UNC80: variants seen among roughly 807,000 people sequenced by gnomAD.
UNC80 encodes the protein unc-80 subunit of NALCN channel complex.
UNC80 carries 164 observed loss-of-function variants against 384.6 expected under a neutral mutation model. The observed-to-expected ratio is 0.43, with a 90% CI of 0.38 to 0.49. The LOEUF is 0.49. Among genes scored for constraint, UNC80 ranks in the 20% least tolerant of loss-of-function variants. The probability of loss-of-function intolerance (pLI) is 0.00; values close to 1 mark genes in which losing one functional copy is unlikely to be tolerated. For missense variants in UNC80, 3,330 were observed against 4,143.0 expected (o/e 0.80, Z 5.39); for synonymous variants, 1,486 against 1,527.8 (o/e 0.97, Z 0.64).
intron 22 of UNC80, among the ~76,000 whole-genome samples, chr2:209,867,715 A>G (rs2083955654): frequency 6.6e-6 from 1 of 152,148 alleles, no homozygotes; most frequent in African/African-American, 2.4e-5. Flanking sequence ...GTCTCTCTAT[A>G]GTCAGCAGAA....
intron 10 of UNC80, 94 bp from the exon 11 acceptor site, chr2:209,817,718 A>G: frequency 6.9e-7 from 1 of 1,452,170 alleles, no homozygotes; most frequent in South Asian, 1.3e-5. Flanking sequence ...TAACAGCCCC[A>G]CACTCTCCCT....
chr2:209,829,510 G>T, intron 15 of UNC80, 131 bp downstream of exon 15: 1 of 939,212 alleles, frequency 1.1e-6, no homozygotes, highest in Non-Finnish European at 1.6e-6. Flanking sequence ...GCATGTGTGT[G>T]GGTGTGTGTA....
At chr2:209,941,596 T>G (rs1049187093) in intron 44 of UNC80, 107 bp downstream of exon 44, 2 of 1,246,600 alleles carry the variant, frequency 1.6e-6, no homozygotes, top group Non-Finnish European at 2.1e-6. Context: ...TGTTATCATC[T>G]TCTTTTGTGA....
At chr2:209,826,999 TA>T (rs879926229) in intron 14 of UNC80, among the ~76,000 whole-genome samples, 70 of 152,246 alleles carry the variant, frequency 4.6e-4, no homozygotes, top group Middle Eastern at 3.4e-3. Flanking sequence ...TCTATCTATC[TA>T]TCTATCCTTT....
chr2:209,921,338 A>C (rs1459599893), intron 33 of UNC80, among the ~76,000 whole-genome samples, 162 bp from the exon 34 acceptor site: 1 of 152,216 alleles, frequency 6.6e-6, no homozygotes, highest in Admixed American at 6.5e-5. Context: ...CACAGCTTGG[A>C]AATTTGGTAA....
chr2:209,871,409 C>T (rs1248839007), intron 22 of UNC80, among the ~76,000 whole-genome samples: 1 of 152,052 alleles, frequency 6.6e-6, no homozygotes, highest in Non-Finnish European at 1.5e-5. Context: ...TTATAGATCA[C>T]AGGGATGTTA....
At chr2:209,914,511 A>G (rs1438981299) in intron 31 of UNC80, among the ~76,000 whole-genome samples, 1 of 152,122 alleles carries the variant, frequency 6.6e-6, no homozygotes, top group Non-Finnish European at 1.5e-5. Context: ...ACAAAATTGT[A>G]TGAAGCTAAA....
chr2:209,922,193 G>T, intron 34 of UNC80, 59 bp from the exon 35 acceptor site: 1 of 1,534,734 alleles, frequency 6.5e-7, no homozygotes. Flanking sequence ...ACAACAATGT[G>T]ATAATAATAA....
intron 39 of UNC80, among the ~76,000 whole-genome samples, chr2:209,934,238 C>G (rs2091089157): frequency 6.6e-6 from 1 of 152,160 alleles, no homozygotes; most frequent in African/African-American, 2.4e-5. Flanking sequence ...CCGCATGAAT[C>G]AGTCCTTGAA....
intron 7 of UNC80, chr2:209,796,523 C>A (rs1464067189): frequency 6.6e-6 from 1 of 152,050 alleles, no homozygotes; most frequent in Admixed American, 6.6e-5. Flanking sequence ...TGGCTGTGTC[C>A]CCACTAAATC....
rs1406617229 is a variant in UNC80, at chr2:209,881,031, G to C, written c.4047G>C (p.Glu1349Asp). 4 of 1,551,860 alleles carry C rather than the reference G, an allele frequency of 2.6e-6. No homozygotes were observed. Among genetic ancestry groups the C allele is most frequent in the Non-Finnish European group, 1.7e-6 (2 of 1,147,036 alleles). Residue 1349 changes from glutamate (E) to aspartate (D), a missense_variant, in exon 25 of 65, where the codon GAG becomes GAC. This residue lies in a region of UNC80 where 801 missense variants were observed against 950.8 expected (regional missense o/e 0.84). Transcript: ENST00000673920. ...TGGCAGCATGTCAGCTTCTTCTGGAGATTACCACCTTCCTGCGAGAGACCT... is the reference window on the plus strand; with the variant it reads ...TGGCAGCATGTCAGCTTCTTCTGGACATTACCACCTTCCTGCGAGAGACCT... ...LKMAACQLLLEITTFLRETFS... is the reference protein window; with the variant it reads ...LKMAACQLLLDITTFLRETFS...
At chr2:209,907,567 G>A (rs1462477960) in intron 29 of UNC80, among the ~76,000 whole-genome samples, 4 of 152,200 alleles carry the variant, frequency 2.6e-5, no homozygotes. Flanking sequence ...CAACCAGCGA[G>A]AAGAGGTGAG....
intron 22 of UNC80, among the ~76,000 whole-genome samples, chr2:209,856,498 C>T (rs926577601): frequency 6.6e-6 from 1 of 151,792 alleles, no homozygotes; most frequent in Non-Finnish European, 1.5e-5. Context: ...TCTTGAAATT[C>T]CAAGGTAGCA....
At chr2:209,981,469 T>G (rs911587075) in intron 59 of UNC80, among the ~76,000 whole-genome samples, 7 of 152,170 alleles carry the variant, frequency 4.6e-5, no homozygotes, top group Non-Finnish European at 1.0e-4. Context: ...TCCCAGCTAC[T>G]CTGGAGGCTG....
At chr2:209,860,854 A>G (rs1294649501) in intron 22 of UNC80, among the ~76,000 whole-genome samples, 3 of 151,986 alleles carry the variant, frequency 2.0e-5, no homozygotes, top group Non-Finnish European at 4.4e-5. Context: ...CTGCTTGTCT[A>G]TCGCTGCTGT....
chr2:209,815,016 A>T (rs552367560), intron 8 of UNC80, among the ~76,000 whole-genome samples: 1 of 152,124 alleles, frequency 6.6e-6, no homozygotes, highest in Non-Finnish European at 1.5e-5. Context: ...CTATTTTCTT[A>T]GCATTCTAAA....
At position 209,817,953 on chromosome 2, in the gene UNC80, G is replaced by A; in HGVS notation, c.1693+1G>A. 6.4e-7 allele frequency: 1 copy of A among 1,551,578 alleles called. No individual in the cohort carries two copies. Among genetic ancestry groups the A allele is most frequent in the Non-Finnish European group, 8.7e-7 (1 of 1,146,924 alleles). ...CATGGAGAAAACACCGTCAAGGAAG[G>A]TGGGTAGGAGGTGGGGCCTACGGGC... is the stretch of plus-strand genomic sequence containing the variant. On this transcript the variant is annotated splice_donor_variant, in intron 11 of 64. Transcript: ENST00000673920. LOFTEE classifies it high-confidence loss of function.
intron 28 of UNC80, 62 bp from the exon 29 acceptor site, chr2:209,904,703 A>T: frequency 7.1e-7 from 1 of 1,412,594 alleles, no homozygotes; most frequent in Non-Finnish European, 9.8e-7. Flanking sequence ...CACCCCATAG[A>T]TATGTTCAGT....
At position 209,929,771 on chromosome 2, in the gene UNC80, G is replaced by T. The variant is rs980810537; in HGVS notation, c.5807-100G>T. On this transcript the variant is annotated intron_variant, in intron 36 of 64. Transcript: ENST00000673920. ...AAAAAGAGTTCACAGAGCCTTTTAAGGCAAAAAGCAGAGACTAAAGCTTGT... is the reference window on the plus strand; with the variant it reads ...AAAAAGAGTTCACAGAGCCTTTTAATGCAAAAAGCAGAGACTAAAGCTTGT... 1.1e-5 allele frequency: 10 copies of T among 890,406 alleles called. No homozygotes were observed. The African/African-American group carries it at 1.8e-4, about 16-fold the overall frequency. The allele number at this position is 890,406 out of a possible 1,614,324, so 55.2% of individuals were successfully genotyped here.
Sources: gnomAD v4.1 joint callset for allele counts (sites outside exome capture counted in the v4.1 genomes callset) on GRCh38, gnomAD v4.1.1 for gene constraint, gnomAD v4.1.1 regional missense constraint, MANE v1.5 for transcripts, NCBI Gene and HGNC (gene_info 2026-07-23, HGNC 2026-07-21) for gene names.